MND1: variants seen among roughly 807,000 people sequenced by gnomAD.
The protein encoded by MND1 is meiotic nuclear division protein 1 homolog.
MND1 carries 28 observed loss-of-function variants against 35.1 expected under a neutral mutation model. The ratio of observed to expected loss-of-function variants is 0.80; its 90% CI spans 0.59 to 1.09. The LOEUF is 1.09. Ranked by LOEUF, MND1 falls within the 50% of genes least tolerant of loss-of-function variation. The probability of loss-of-function intolerance (pLI) is 0.00; values close to 1 mark genes in which losing one functional copy is unlikely to be tolerated. For missense variants in MND1, 213 were observed against 239.6 expected (o/e 0.89, Z 0.73); for synonymous variants, 69 against 70.5 (o/e 0.98, Z 0.11).
rs559949266 is a variant in MND1, at chr4:153,409,479, T to C, written c.511+464T>C. 2.0e-5 allele frequency among the ~76,000 whole-genome samples: 3 copies of C among 152,216 alleles called. No individual in the cohort carries two copies. In the East Asian group the frequency reaches 5.8e-4, roughly 29 times the overall value. On this transcript the variant is annotated intron_variant, in intron 7 of 7. Coordinates refer to ENST00000240488, the MANE Select transcript of MND1 (RefSeq NM_032117.4). ...CTCCATGATAATCTTGAGGTAGATA[T>C]GATTATTATCCCTAATTTAGGAGAC... is the stretch of plus-strand genomic sequence containing the variant.
At chr4:153,388,487 A>G (rs1177757971) in intron 4 of MND1, among the ~76,000 whole-genome samples, 1 of 152,196 alleles carries the variant, frequency 6.6e-6, no homozygotes, top group Non-Finnish European at 1.5e-5. Flanking sequence ...ACCCTGTCTC[A>G]AAAAAATAAA....
intron 6 of MND1, 49 bp from the exon 7 acceptor site, chr4:153,408,912 GTATATATATA>G: frequency 6.3e-6 from 2 of 317,418 alleles, no homozygotes; most frequent in Non-Finnish European, 9.9e-6. Context: ...CATTTTGTGT[GTATATATATA>G]TATATATATA....
chr4:153,371,195 C>T (rs1773782280), intron 4 of MND1, among the ~76,000 whole-genome samples: 1 of 151,988 alleles, frequency 6.6e-6, no homozygotes, highest in African/African-American at 2.4e-5. Flanking sequence ...TGTTATTCCA[C>T]TTATAGGGCA....
rs1384747110 is a variant in MND1, at chr4:153,394,279, A to G, written c.294A>G (p.Gln98=). The change falls in exon 5 of 8, where the codon CAA becomes CAG. Residue 98 remains glutamine (Q), a synonymous_variant. Coordinates refer to ENST00000240488, the MANE Select transcript of MND1 (RefSeq NM_032117.4). The part of the protein sequence containing the change: ...VLESQLSEGS[Q]KHASLQKSIE... ...TTCTCTAGTTGTCTGAGGGAAGTCA[A>G]AAGCATGCAAGCCTACAGAAAAGCA... 6.2e-7 allele frequency: 1 copy of G among 1,612,758 alleles called. No individual in the cohort carries two copies. Among genetic ancestry groups the G allele is most frequent in the Non-Finnish European group, 8.5e-7 (1 of 1,179,134 alleles).
intron 4 of MND1, among the ~76,000 whole-genome samples, chr4:153,379,326 A>G (rs962730774): frequency 2.0e-4 from 22 of 110,244 alleles, no homozygotes; most frequent in Middle Eastern, 4.1e-3. Flanking sequence ...AGAAGAAAAG[A>G]AAAAAAAAAA....
chr4:153,397,773 G>A (rs891705844), intron 6 of MND1, among the ~76,000 whole-genome samples: 6 of 152,036 alleles, frequency 3.9e-5, no homozygotes, highest in Admixed American at 2.0e-4. Flanking sequence ...TGTGCTATAC[G>A]TGCCATTGCA....
chr4:153,350,728 A>C (rs983019353), intron 2 of MND1, among the ~76,000 whole-genome samples: 1 of 152,138 alleles, frequency 6.6e-6, no homozygotes, highest in Non-Finnish European at 1.5e-5. Flanking sequence ...ATGGCTTTAC[A>C]CTGTTACTGG....
chr4:153,384,016 A>G (rs1271557670), intron 4 of MND1, among the ~76,000 whole-genome samples: 2 of 152,136 alleles, frequency 1.3e-5, no homozygotes, highest in African/African-American at 2.4e-5. Flanking sequence ...CCTTCATGGC[A>G]TCAGTTGGAT....
At chr4:153,394,759 A>T (rs915509563) in intron 5 of MND1, among the ~76,000 whole-genome samples, 10 of 152,264 alleles carry the variant, frequency 6.6e-5, no homozygotes, top group African/African-American at 1.7e-4. Flanking sequence ...TTTAAAAAAA[A>T]TTTTTGCATA....
chr4:153,363,696 T>A (rs148057159), intron 4 of MND1, among the ~76,000 whole-genome samples: 1 of 152,270 alleles, frequency 6.6e-6, no homozygotes, highest in Non-Finnish European at 1.5e-5. Context: ...CCATGTCTTA[T>A]AGGTTCCTCT....
chr4:153,353,759 G>T (rs1320247197), intron 2 of MND1, among the ~76,000 whole-genome samples: 1 of 151,648 alleles, frequency 6.6e-6, no homozygotes, highest in African/African-American at 2.4e-5. Context: ...TTTGTCTGTT[G>T]CCCAGGCTGG....
At chr4:153,361,358 G>A (rs1773485895) in intron 4 of MND1, 1 of 414,990 alleles carries the variant, frequency 2.4e-6, no homozygotes. Flanking sequence ...TTGCTAATGA[G>A]ATGTTTTGCT....
intron 6 of MND1, among the ~76,000 whole-genome samples, chr4:153,403,773 TACTTTTTTTTTTGAGACACTCTC>T (rs1326303985): frequency 6.7e-6 from 1 of 150,012 alleles, no homozygotes; most frequent in African/African-American, 2.5e-5. Flanking sequence ...AATTAATTAT[TACTTTTTTTTTTGAGACACTCTC>T]ACTCTGTCAC....
At chr4:153,384,619 T>C (rs1184757155) in intron 4 of MND1, among the ~76,000 whole-genome samples, 1 of 151,970 alleles carries the variant, frequency 6.6e-6, no homozygotes, top group Admixed American at 6.6e-5. Context: ...ACTTTAGTCT[T>C]ATTAAATCTA....
chr4:153,414,180 T>C (rs1424694320), intron 7 of MND1, among the ~76,000 whole-genome samples: 1 of 152,222 alleles, frequency 6.6e-6, no homozygotes, highest in African/African-American at 2.4e-5. Flanking sequence ...ACCATTAACC[T>C]GTCCCTGTTT....
At chr4:153,390,917 A>ATG (rs1472569852) in intron 4 of MND1, among the ~76,000 whole-genome samples, 1 of 103,122 alleles carries the variant, frequency 9.7e-6, no homozygotes, top group African/African-American at 4.6e-5. Flanking sequence ...GTGTGTGTGT[A>ATG]TATGTGTGTG....
intron 7 of MND1, among the ~76,000 whole-genome samples, chr4:153,414,399 A>G (rs574475770): frequency 6.6e-6 from 1 of 151,748 alleles, no homozygotes; most frequent in African/African-American, 2.4e-5. Flanking sequence ...CTCCTGCCTC[A>G]GCCTCCCGAG....
intron 4 of MND1, among the ~76,000 whole-genome samples, chr4:153,379,236 G>A (rs997047326): frequency 4.1e-5 from 6 of 145,562 alleles, no homozygotes; most frequent in African/African-American, 1.5e-4. Flanking sequence ...CTTGCAGTGA[G>A]CCGAGATCCT....
At chr4:153,401,526 C>T (rs1289972179) in intron 6 of MND1, among the ~76,000 whole-genome samples, 1 of 149,872 alleles carries the variant, frequency 6.7e-6, no homozygotes, top group African/African-American at 2.5e-5. Flanking sequence ...AACCTCTACT[C>T]ACCCCAAATC....
Sources: gnomAD v4.1 joint callset for allele counts (sites outside exome capture counted in the v4.1 genomes callset) on GRCh38, gnomAD v4.1.1 for gene constraint, MANE v1.5 for transcripts, NCBI Gene and HGNC (gene_info 2026-07-23, HGNC 2026-07-21) for gene names.